DNAH8: variants seen among roughly 807,000 people sequenced by gnomAD.
DNAH8 encodes the protein dynein axonemal heavy chain 8, also known as axonemal beta dynein heavy chain 8.
In DNAH8, 382 loss-of-function variants were observed where a neutral mutation model predicts 562.1. The ratio of observed to expected loss-of-function variants is 0.68; its 90% CI spans 0.63 to 0.74. DNAH8 has a LOEUF of 0.74. Among genes scored for constraint, DNAH8 ranks in the 30% least tolerant of loss-of-function variants. DNAH8 has a pLI of 0.00. For synonymous variants in DNAH8, 1,881 were observed against 1,919.4 expected, an observed-to-expected ratio of 0.98 and a Z score of 0.52; for missense variants, 5,203 against 5,620.4, an observed-to-expected ratio of 0.93 and a Z score of 2.37.
At chr6:38,928,288 A>G (rs1431119642) in intron 74 of DNAH8, 1 of 152,226 alleles carries the variant, frequency 6.6e-6, no homozygotes, top group Non-Finnish European at 1.5e-5. Flanking sequence ...AAAGACATTG[A>G]AGATGACTGA....
At chr6:38,981,471 T>C (rs529272196) in intron 85 of DNAH8, among the ~76,000 whole-genome samples, 1 of 152,344 alleles carries the variant, frequency 6.6e-6, no homozygotes, top group Admixed American at 6.5e-5. Flanking sequence ...AGGAGTCTCT[T>C]AGGCCCTCTT....
intron 7 of DNAH8, 51 bp downstream of exon 7, chr6:38,738,023 C>T (rs762857987): frequency 1.9e-6 from 3 of 1,551,164 alleles, no homozygotes. Flanking sequence ...CATGTGCATC[C>T]TAGCCATTGT....
At chr6:38,736,293 A>C (rs550180380) in intron 5 of DNAH8, among the ~76,000 whole-genome samples, 7 of 152,188 alleles carry the variant, frequency 4.6e-5, no homozygotes. Context: ...AACTAAGTAA[A>C]TGTAATCACA....
chr6:38,995,358 T>G (rs1583532588), intron 88 of DNAH8, among the ~76,000 whole-genome samples: 1 of 152,232 alleles, frequency 6.6e-6, no homozygotes, highest in South Asian at 2.1e-4. Flanking sequence ...TAAATAAGAA[T>G]GGCCTGGAGT....
rs980042927 is a variant in DNAH8 at position 38,750,463 on chromosome 6, C to T, written c.1294-13C>T. 1.6e-5 allele frequency: 26 copies of T among 1,577,776 alleles called. No homozygotes were observed. The African/African-American group carries it at 2.8e-4, about 17-fold the overall frequency. ...TGGATGTTTCATAGAATTCTTATAC[C>T]TTTTTTTCTTAGAATTGGCGTGATT... On this transcript the variant is annotated splice_polypyrimidine_tract_variant and intron_variant, in intron 8 of 92. Transcript: ENST00000327475.
At chr6:38,844,409 A>C (rs1775109873) in intron 35 of DNAH8, among the ~76,000 whole-genome samples, 1 of 152,100 alleles carries the variant, frequency 6.6e-6, no homozygotes, top group Non-Finnish European at 1.5e-5. Context: ...AAATCTCCCA[A>C]ATATATGGTT....
rs368787070 is a variant in DNAH8 at position 38,974,392 on chromosome 6, A to T, written c.12697A>T (p.Asn4233Tyr). ...TLLQTSLKFT[N>Y]EPPQGVRAGL... ...ATGACAGACCTCTCTCAAATTCACT[A>T]ATGAGCCACCCCAAGGTGTACGCGC... is the stretch of plus-strand genomic sequence containing the variant. The change falls in exon 85 of 93, where the codon AAT becomes TAT. Residue 4233 changes from asparagine to tyrosine, a missense_variant. Physicochemically the swap from Asn to Tyr is moderately radical, Grantham distance 143. This residue lies in a region of DNAH8 where 1,399 missense variants were observed against 1,518.4 expected (regional missense o/e 0.92). Transcript: ENST00000327475. The T allele has an allele frequency of 8.0e-5, 129 of 1,612,242 alleles. No individual in the cohort carries two copies. The highest frequency in any genetic ancestry group is 2.0e-4 in the Admixed American group (12 of 59,586).
intron 24 of DNAH8, among the ~76,000 whole-genome samples, chr6:38,811,280 T>A (rs1771770777): frequency 6.6e-6 from 1 of 152,224 alleles, no homozygotes; most frequent in South Asian, 2.1e-4. Context: ...ACTATGGAAC[T>A]TTTGTGAGTG....
intron 21 of DNAH8, 85 bp from the exon 22 acceptor site, chr6:38,803,094 T>C: frequency 1.1e-6 from 1 of 915,728 alleles, no homozygotes; most frequent in Non-Finnish European, 1.5e-6. Context: ...TTAATTATAG[T>C]TTTATAAATT....
intron 89 of DNAH8, among the ~76,000 whole-genome samples, chr6:39,009,606 G>T (rs6930141): frequency 0.66 from 100,947 of 151,946 alleles, 34,753 homozygotes; most frequent in East Asian, 0.77. Flanking sequence ...GACACTGTCC[G>T]AAGTGCTTCA....
Position 38,723,128 on chromosome 6 carries a change from C to T in DNAH8, c.319C>T (p.Arg107Trp), listed in dbSNP as rs2127565118. The T allele has an allele frequency of 1.2e-6, 2 of 1,612,816 alleles. No individual in the cohort carries two copies. Among genetic ancestry groups the T allele is most frequent in the Non-Finnish European group, 1.7e-6 (2 of 1,179,892 alleles). The change falls in exon 2 of 93, where the codon CGG (arginine) becomes TGG (tryptophan). Residue 107 changes from arginine to tryptophan, a missense_variant. By Grantham distance (101) the Arg-to-Trp change is moderately radical (BLOSUM62 -3). This residue lies in a region of DNAH8 where 556 missense variants were observed against 496.9 expected (regional missense o/e 1.12). Coordinates refer to ENST00000327475, the MANE Select transcript of DNAH8 (RefSeq NM_001206927.2). ...ISEVLSLPSS[R>W]RSSRYRRSMS... ...GGAAGTGCTGTCCTTGCCGTCTTCC[C>T]GGAGGTCCTCCAGATACCGCCGGAG...
intron 82 of DNAH8, among the ~76,000 whole-genome samples, chr6:38,965,936 C>T (rs767204873): frequency 4.6e-5 from 7 of 152,148 alleles, no homozygotes; most frequent in Non-Finnish European, 8.8e-5. Flanking sequence ...TAATAACAAC[C>T]TTCCACATTA....
intron 85 of DNAH8, among the ~76,000 whole-genome samples, chr6:38,977,252 A>G (rs1334563735): frequency 6.6e-6 from 1 of 152,176 alleles, no homozygotes; most frequent in African/African-American, 2.4e-5. Flanking sequence ...GGGAACATGC[A>G]TAGATGCACG....
At position 38,823,623 on chromosome 6, in the gene DNAH8, C is replaced by T. The variant is rs1185565421; in HGVS notation, c.3782C>T (p.Thr1261Ile). 3 of 1,608,970 alleles carry T rather than the reference C, an allele frequency of 1.9e-6. No individual in the cohort carries two copies. The South Asian group carries it at 3.3e-5, about 18-fold the overall frequency. Reference sequence around the variant, plus strand: ...AGATCAGAAATTCTACACTATGCTACTTTTGAACAGGAGATTGATGAGTTG... The same window carrying T: ...AGATCAGAAATTCTACACTATGCTATTTTTGAACAGGAGATTGATGAGTTG... ...EIRSEILHYA[T>I]FEQEIDELKP... Residue 1261 changes from threonine to isoleucine, a missense_variant, in exon 28 of 93, where the codon ACT becomes ATT. By Grantham distance (89) the Thr-to-Ile change is moderately conservative (BLOSUM62 -1). Around this residue, in one of 6 missense-constraint regions of DNAH8, gnomAD observed 2,176 missense variants for 2,365.1 expected, o/e 0.92. Transcript: ENST00000327475.
chr6:38,750,576 A>G lies in DNAH8; in HGVS notation c.1394A>G (p.Tyr465Cys). The change falls in exon 9 of 93, where the codon TAT becomes TGT. Residue 465 changes from tyrosine (Y) to cysteine (C), a missense_variant. Coordinates refer to ENST00000327475, the MANE Select transcript of DNAH8 (RefSeq NM_001206927.2). Reference protein sequence around the residue: ...YTLEKVCQPLYNHDLVSMAHG... With the variant: ...YTLEKVCQPLCNHDLVSMAHG... Reference sequence around the variant, plus strand: ...TTGGAAAAAGTGTGTCAACCTCTCTATAACCATGACCTAGTAAGTATGCTT... The same window carrying G: ...TTGGAAAAAGTGTGTCAACCTCTCTGTAACCATGACCTAGTAAGTATGCTT... 6.3e-7 allele frequency: 1 copy of G among 1,597,730 alleles called. No individual in the cohort carries two copies. The highest frequency in any genetic ancestry group is 1.1e-5 in the South Asian group (1 of 89,958).
intron 21 of DNAH8, among the ~76,000 whole-genome samples, chr6:38,796,957 T>C (rs2127666088): frequency 6.6e-6 from 1 of 152,348 alleles, no homozygotes; most frequent in African/African-American, 2.4e-5. Context: ...CAATAGCTGG[T>C]GTGTCTTCCG....
chr6:39,013,384 T>A (rs1387956029), intron 91 of DNAH8, among the ~76,000 whole-genome samples: 1 of 152,228 alleles, frequency 6.6e-6, no homozygotes, highest in Non-Finnish European at 1.5e-5. Flanking sequence ...GATGAATTAT[T>A]GTTTCTTGTA....
At chr6:38,755,918 G>A in intron 9 of DNAH8, 54 bp from the exon 10 acceptor site, 1 of 994,068 alleles carries the variant, frequency 1.0e-6, no homozygotes, top group Admixed American at 1.8e-5. Context: ...TAGAATATTG[G>A]TTATTAAAAC....
chr6:38,751,128 C>G (rs902929298), intron 9 of DNAH8, among the ~76,000 whole-genome samples: 1 of 152,180 alleles, frequency 6.6e-6, no homozygotes, highest in Non-Finnish European at 1.5e-5. Flanking sequence ...TTCAAAGTCT[C>G]TCATGAGGTT....
Sources: gnomAD v4.1 joint callset for allele counts (sites outside exome capture counted in the v4.1 genomes callset) on GRCh38, gnomAD v4.1.1 for gene constraint, gnomAD v4.1.1 regional missense constraint, MANE v1.5 for transcripts, NCBI Gene and HGNC (gene_info 2026-07-23, HGNC 2026-07-21) for gene names.